STAMBPL1: variants seen among roughly 807,000 people sequenced by gnomAD.
The protein encoded by STAMBPL1 is AMSH-like protease.
STAMBPL1 carries 44 observed loss-of-function variants against 52.9 expected under a neutral mutation model. The observed-to-expected ratio is 0.83, with a 90% CI of 0.65 to 1.07. The LOEUF is 1.07. STAMBPL1 is among the 50% of genes least tolerant of loss of function. The pLI is 0.00. For synonymous variants in STAMBPL1, 164 were observed against 177.3 expected (o/e 0.92, Z 0.60); for missense variants, 511 against 520.8 (o/e 0.98, Z 0.18).
chr10:88,886,589 A>G (rs1348702193), intron 1 of STAMBPL1, among the ~76,000 whole-genome samples: 3 of 152,184 alleles, frequency 2.0e-5, no homozygotes, highest in Non-Finnish European at 2.9e-5. Flanking sequence ...CAGATTCAGC[A>G]AAAGCTCAAG....
intron 1 of STAMBPL1, among the ~76,000 whole-genome samples, chr10:88,881,270 A>G (rs1176446166): frequency 6.6e-6 from 1 of 152,152 alleles, no homozygotes. Context: ...TTTCTCTAAA[A>G]CAACCCACGC....
In STAMBPL1 at chr10:88,901,717, G is replaced by T. The variant is rs370446280; in HGVS notation, c.9G>T (p.Gln3His). 4.7e-5 allele frequency: 75 copies of T among 1,612,120 alleles called. No individual in the cohort carries two copies. The highest frequency in any genetic ancestry group is 6.1e-5 in the Non-Finnish European group (72 of 1,179,274). Residue 3 changes from glutamine (Q) to histidine (H), a missense_variant, in exon 2 of 11, where the codon CAG becomes CAT. Transcript: ENST00000371926. The stretch of plus-strand genomic sequence containing the variant: ...TTCACAGATAAGACAACATGGATCA[G>T]CCTTTTACTGTGAATTCTCTGGTAG... MD[Q>H]PFTVNSLKKL...
chr10:88,885,021 G>A (rs181976638), intron 1 of STAMBPL1, among the ~76,000 whole-genome samples: 26 of 152,258 alleles, frequency 1.7e-4, no homozygotes, highest in Admixed American at 4.6e-4. Context: ...ATATGTGTTC[G>A]TTGTTATTCT....
At chr10:88,909,774 T>C (rs763747472) in intron 4 of STAMBPL1, among the ~76,000 whole-genome samples, 1 of 152,144 alleles carries the variant, frequency 6.6e-6, no homozygotes, top group Non-Finnish European at 1.5e-5. Flanking sequence ...CTAATTTTTG[T>C]ATTTTTAATA....
intron 1 of STAMBPL1, among the ~76,000 whole-genome samples, chr10:88,900,544 T>C (rs1844919433): frequency 6.6e-6 from 1 of 152,216 alleles, no homozygotes; most frequent in South Asian, 2.1e-4. Context: ...AAATATTGAC[T>C]ATATGCTAGG....
chr10:88,916,798 T>C lies in STAMBPL1; in HGVS notation c.1022T>C (p.Leu341Pro). The C allele has an allele frequency of 6.2e-7, 1 of 1,608,694 alleles. No individual in the cohort carries two copies. Among genetic ancestry groups the C allele is most frequent in the East Asian group, 2.2e-5 (1 of 44,504 alleles). ...LFNVQDQHDLLTLGWIHTHPT... is the reference protein window; with the variant it reads ...LFNVQDQHDLPTLGWIHTHPT... ...AATGTTCAGGATCAACATGATCTCC[T>C]CACTCTAGGATGGATCCATGTACGT... Residue 341 changes from leucine to proline, a missense_variant, in exon 8 of 11, where the codon CTC (leucine) becomes CCC (proline). Around this residue, in one of 3 missense-constraint regions of STAMBPL1, gnomAD observed 137 missense variants for 139.9 expected, o/e 0.98. Coordinates refer to ENST00000371926, the MANE Select transcript of STAMBPL1 (RefSeq NM_020799.4).
At chr10:88,921,133 G>C in intron 8 of STAMBPL1, 150 bp from the exon 9 acceptor site, 1 of 562,674 alleles carries the variant, frequency 1.8e-6, no homozygotes. Context: ...TGGCATAAAG[G>C]GAAGGATTAT....
intron 1 of STAMBPL1, among the ~76,000 whole-genome samples, chr10:88,892,342 G>A (rs1207794401): frequency 1.7e-5 from 2 of 115,366 alleles, no homozygotes; most frequent in Admixed American, 1.0e-4. Context: ...GTGTCTGTGT[G>A]TGTGCGTGTG....
rs756595428 is a variant in STAMBPL1, at chr10:88,921,357, A to C, written c.1116A>C (p.Pro372=). Residue 372 remains proline (P), a synonymous_variant, in exon 9 of 11, where the codon CCA becomes CCC. Transcript: ENST00000371926. ...HTHCSYQLML[P]EAIAIVCSPK... ...ACTGTTCCTATCAACTCATGTTGCC[A>C]GAGGCCATTGCCATTGTTTGCTCAC... 2 of 1,613,368 alleles carry C rather than the reference A, an allele frequency of 1.2e-6. No homozygotes were observed. Among genetic ancestry groups the C allele is most frequent in the Admixed American group, 1.7e-5 (1 of 59,940 alleles).
chr10:88,884,678 C>T (rs1045442425), intron 1 of STAMBPL1, among the ~76,000 whole-genome samples: 4 of 152,198 alleles, frequency 2.6e-5, no homozygotes, highest in African/African-American at 9.7e-5. Context: ...GCATTCTTTC[C>T]TGCGGAGCCC....
intron 3 of STAMBPL1, 62 bp downstream of exon 3, chr10:88,905,722 A>G (rs1845056889): frequency 9.7e-6 from 13 of 1,339,104 alleles, no homozygotes; most frequent in Non-Finnish European, 1.3e-5. Flanking sequence ...AGTTATTTTG[A>G]TGTGGCAGTT....
intron 1 of STAMBPL1, among the ~76,000 whole-genome samples, chr10:88,894,205 G>T (rs531307666): frequency 6.6e-6 from 1 of 152,094 alleles, no homozygotes; most frequent in African/African-American, 2.4e-5. Context: ...GGTTCCTGGA[G>T]CCAGAATTTG....
chr10:88,891,684 A>G (rs1844688637), intron 1 of STAMBPL1, among the ~76,000 whole-genome samples: 1 of 152,204 alleles, frequency 6.6e-6, no homozygotes, highest in Non-Finnish European at 1.5e-5. Context: ...AAAAAAATGC[A>G]TAACTCTCAT....
At chr10:88,887,731 AG>A (rs1181221110) in intron 1 of STAMBPL1, among the ~76,000 whole-genome samples, 5 of 152,160 alleles carry the variant, frequency 3.3e-5, no homozygotes, top group African/African-American at 4.8e-5. Flanking sequence ...CATGTTGCCC[AG>A]GCTGATCTTG....
intron 1 of STAMBPL1, among the ~76,000 whole-genome samples, chr10:88,900,868 G>C (rs1024785188): frequency 6.6e-6 from 1 of 152,156 alleles, no homozygotes; most frequent in Non-Finnish European, 1.5e-5. Context: ...TCTCATCAGA[G>C]GCTTGCAGTC....
intron 1 of STAMBPL1, among the ~76,000 whole-genome samples, chr10:88,894,913 A>G (rs1844776119): frequency 1.3e-5 from 2 of 152,234 alleles, no homozygotes; most frequent in Non-Finnish European, 2.9e-5. Flanking sequence ...CGGGATTCAT[A>G]TAGCTAAAGA....
At chr10:88,902,524 A>C (rs1844969705) in intron 2 of STAMBPL1, among the ~76,000 whole-genome samples, 1 of 152,124 alleles carries the variant, frequency 6.6e-6, no homozygotes, top group African/African-American at 2.4e-5. Context: ...GGACATAAAG[A>C]AAGAGAGGGC....
intron 1 of STAMBPL1, among the ~76,000 whole-genome samples, chr10:88,881,646 A>G (rs1844408840): frequency 6.6e-6 from 1 of 152,234 alleles, no homozygotes; most frequent in Admixed American, 6.5e-5. Context: ...GATTTGTTCC[A>G]GCAGATAAAT....
At chr10:88,890,200 C>T (rs1204744751) in intron 1 of STAMBPL1, among the ~76,000 whole-genome samples, 1 of 152,146 alleles carries the variant, frequency 6.6e-6, no homozygotes, top group Non-Finnish European at 1.5e-5. Flanking sequence ...TGAAAGAAGG[C>T]TCTAAGGAGG....
Sources: gnomAD v4.1 joint callset for allele counts (sites outside exome capture counted in the v4.1 genomes callset) on GRCh38, gnomAD v4.1.1 for gene constraint, gnomAD v4.1.1 regional missense constraint, MANE v1.5 for transcripts, NCBI Gene and HGNC (gene_info 2026-07-23, HGNC 2026-07-21) for gene names.